Variants in TNKS observed in about 807,000 individuals in gnomAD.
TNKS encodes the protein tankyrase.
TNKS carries 72 observed loss-of-function variants against 135.8 expected under a neutral mutation model. That is an observed-to-expected ratio of 0.53 (90% CI 0.44 to 0.64). TNKS has a LOEUF of 0.64. TNKS is among the 30% of genes least tolerant of loss of function. The probability of loss-of-function intolerance (pLI) is 0.00; values close to 1 mark genes in which losing one functional copy is unlikely to be tolerated. For missense variants in TNKS, 1,769 were observed against 1,674.0 expected (o/e 1.06, Z -0.99); for synonymous variants, 849 against 649.3 (o/e 1.31, Z -4.68).
chr8:9,567,844 G>A (rs1046907567), intron 1 of TNKS, among the ~76,000 whole-genome samples: 5 of 152,116 alleles, frequency 3.3e-5, no homozygotes, highest in Non-Finnish European at 7.3e-5. Context: ...ACATATTGGA[G>A]TCACAGCAGT....
At chr8:9,686,645 G>A (rs1327365145) in intron 5 of TNKS, among the ~76,000 whole-genome samples, 4 of 152,146 alleles carry the variant, frequency 2.6e-5, no homozygotes, top group African/African-American at 4.8e-5. Context: ...ATGTATTTAC[G>A]TCTTTAGATA....
chr8:9,664,027 C>T (rs886985827), intron 3 of TNKS, among the ~76,000 whole-genome samples: 2 of 152,170 alleles, frequency 1.3e-5, no homozygotes, highest in Non-Finnish European at 2.9e-5. Flanking sequence ...TGGTACCAGC[C>T]CCTATCTGGA....
chr8:9,750,077 G>C (rs1025988142), intron 18 of TNKS, among the ~76,000 whole-genome samples: 1 of 152,236 alleles, frequency 6.6e-6, no homozygotes, highest in Non-Finnish European at 1.5e-5. Context: ...TAAAGGTGCA[G>C]TGGGACAATG....
chr8:9,757,711 C>G (rs936765988), intron 20 of TNKS, among the ~76,000 whole-genome samples: 1 of 152,196 alleles, frequency 6.6e-6, no homozygotes, highest in Non-Finnish European at 1.5e-5. Flanking sequence ...TTGGTTAGCA[C>G]TCTGTTTCAT....
intron 1 of TNKS, among the ~76,000 whole-genome samples, chr8:9,571,615 G>A (rs961752954): frequency 3.3e-5 from 5 of 151,992 alleles, no homozygotes; most frequent in African/African-American, 9.7e-5. Flanking sequence ...CCACCACCAC[G>A]CCTGGCTATT....
chr8:9,720,501 C>T lies in TNKS; in HGVS notation c.1877C>T (p.Thr626Ile), dbSNP rs1804822135. Residue 626 changes from threonine (T) to isoleucine (I), a missense_variant, in exon 12 of 27, where the codon ACA (threonine) becomes ATA (isoleucine). By Grantham distance (89) the Thr-to-Ile change is moderately conservative (BLOSUM62 -1). Transcript: ENST00000310430. Reference protein sequence around the residue: ...DPSIISLQGFTAAQMGNEAVQ... With the variant: ...DPSIISLQGFIAAQMGNEAVQ... ...TCCATCATCTCCTTACAAGGCTTCA[C>T]AGCAGCACAGATGGGCAATGAAGCA... The T allele has an allele frequency of 1.2e-6, 2 of 1,614,098 alleles. No individual in the cohort carries two copies. The highest frequency in any genetic ancestry group is 1.7e-6 in the Non-Finnish European group (2 of 1,179,996).
Position 9,776,917 on chromosome 8 carries a change from C to CT in TNKS, c.*182dup. On this transcript the variant is annotated 3_prime_UTR_variant, in exon 27 of 27. Coordinates refer to ENST00000310430, the MANE Select transcript of TNKS (RefSeq NM_003747.3). ...TGAGTAACTGATACATACTCAACTG[C>CT]TACTGTTCCCTTTGAGGAAATGTTT... 1.8e-6 allele frequency: 1 copy of CT among 548,224 alleles called. No homozygotes were observed. The highest frequency in any genetic ancestry group is 2.9e-5 in the East Asian group (1 of 34,332). 34.0% of individuals were successfully genotyped at this position (548,224 alleles called of 1,614,324 possible).
intron 11 of TNKS, among the ~76,000 whole-genome samples, chr8:9,712,701 C>T (rs1804397924): frequency 6.6e-6 from 1 of 151,770 alleles, no homozygotes; most frequent in African/African-American, 2.4e-5. Context: ...ATCAGCTGGG[C>T]AACACAGGCC....
chr8:9,649,930 T>A (rs1167370205), intron 3 of TNKS, among the ~76,000 whole-genome samples: 1 of 144,296 alleles, frequency 6.9e-6, no homozygotes, highest in Non-Finnish European at 1.5e-5. Flanking sequence ...CACTCTGTTG[T>A]CCAGGCTGGA....
intron 3 of TNKS, among the ~76,000 whole-genome samples, chr8:9,666,826 A>G (rs182403080): frequency 6.6e-6 from 1 of 152,296 alleles, no homozygotes; most frequent in East Asian, 1.9e-4. Context: ...ATATTATTCC[A>G]AAGGCTGGTG....
At chr8:9,680,957 G>A (rs1050991549) in intron 5 of TNKS, 157 bp downstream of exon 5, 10 of 514,742 alleles carry the variant, frequency 1.9e-5, no homozygotes, top group African/African-American at 1.2e-4. Flanking sequence ...ATTGGCAGTT[G>A]TGACACATTC....
chr8:9,711,602 A>G (rs1411573244), intron 11 of TNKS, among the ~76,000 whole-genome samples: 4 of 152,168 alleles, frequency 2.6e-5, no homozygotes, highest in Non-Finnish European at 5.9e-5. Flanking sequence ...TGTTCTTTTT[A>G]ATGAAAATAA....
chr8:9,704,582 T>C, intron 5 of TNKS, 81 bp from the exon 6 acceptor site: 2 of 1,141,992 alleles, frequency 1.8e-6, no homozygotes, highest in Non-Finnish European at 2.6e-6. Context: ...ACTTTCATTG[T>C]GTTTAAATCT....
At chr8:9,588,285 T>C (rs1479388404) in intron 2 of TNKS, among the ~76,000 whole-genome samples, 1 of 150,006 alleles carries the variant, frequency 6.7e-6, no homozygotes, top group African/African-American at 2.4e-5. Flanking sequence ...AATTGCTTCT[T>C]TTTTTTTTTG....
intron 20 of TNKS, among the ~76,000 whole-genome samples, chr8:9,756,877 C>G (rs1806859087): frequency 6.6e-6 from 1 of 152,142 alleles, no homozygotes; most frequent in South Asian, 2.1e-4. Flanking sequence ...TTCATAATGC[C>G]AACAGTCTCA....
chr8:9,698,795 G>A (rs374805492), intron 5 of TNKS, among the ~76,000 whole-genome samples: 11 of 152,244 alleles, frequency 7.2e-5, no homozygotes, highest in South Asian at 2.1e-4. Context: ...ATACTGCACC[G>A]CAAATCTATA....
intron 3 of TNKS, among the ~76,000 whole-genome samples, chr8:9,654,476 G>A (rs1168714836): frequency 6.6e-6 from 1 of 152,134 alleles, no homozygotes; most frequent in East Asian, 1.9e-4. Flanking sequence ...TAATGTTTAA[G>A]TTTCAGAATA....
At chr8:9,577,583 C>G (rs1797998549) in intron 1 of TNKS, among the ~76,000 whole-genome samples, 1 of 152,028 alleles carries the variant, frequency 6.6e-6, no homozygotes, top group Non-Finnish European at 1.5e-5. Context: ...TTTAAACAAC[C>G]AGATCTTGTG....
At chr8:9,575,680 T>G (rs1797920026) in intron 1 of TNKS, among the ~76,000 whole-genome samples, 3 of 152,128 alleles carry the variant, frequency 2.0e-5, no homozygotes. Flanking sequence ...AAAGAACGCC[T>G]GCAGAATCAT....
Sources: gnomAD v4.1 joint callset for allele counts (sites outside exome capture counted in the v4.1 genomes callset) on GRCh38, gnomAD v4.1.1 for gene constraint, MANE v1.5 for transcripts, NCBI Gene and HGNC (gene_info 2026-07-23, HGNC 2026-07-21) for gene names.